The following CTNND2 variants were observed in gnomAD, a reference collection of about 807,000 sequenced individuals.
The protein encoded by CTNND2 is catenin delta-2.
A neutral mutation model predicts 144.4 loss-of-function variants in CTNND2; 22 were observed. That is an observed-to-expected ratio of 0.15 (90% CI 0.11 to 0.22). The LOEUF is 0.22. CTNND2 is among the 10% of genes least tolerant of loss of function. CTNND2 has a pLI of 1.00. For missense variants in CTNND2, 1,353 were observed against 1,618.8 expected, an observed-to-expected ratio of 0.84 and a Z score of 2.82; for synonymous variants, 751 against 695.6, an observed-to-expected ratio of 1.08 and a Z score of -1.25.
At chr5:11,243,787 A>T (rs1411551845) in intron 9 of CTNND2, among the ~76,000 whole-genome samples, 1 of 152,188 alleles carries the variant, frequency 6.6e-6, no homozygotes, top group Non-Finnish European at 1.5e-5. Context: ...GAAACCAAAA[A>T]GTTGATGCAT....
chr5:11,064,055 C>T (rs1259267027), intron 16 of CTNND2, among the ~76,000 whole-genome samples: 1 of 151,960 alleles, frequency 6.6e-6, no homozygotes, highest in East Asian at 1.9e-4. Context: ...CCAGGAGATG[C>T]CAGCAACAGG....
intron 9 of CTNND2, among the ~76,000 whole-genome samples, chr5:11,272,863 G>A (rs1275788094): frequency 1.3e-5 from 2 of 152,118 alleles, no homozygotes; most frequent in Non-Finnish European, 2.9e-5. Context: ...TAGAGTAGGG[G>A]TCAAAATCTG....
chr5:11,128,272 C>T (rs889485775), intron 12 of CTNND2, among the ~76,000 whole-genome samples: 4 of 151,970 alleles, frequency 2.6e-5, no homozygotes, highest in African/African-American at 7.2e-5. Flanking sequence ...AGTGCAGGAG[C>T]TGAGGGCAGC....
At chr5:11,879,457 C>G (rs1194385502) in intron 1 of CTNND2, among the ~76,000 whole-genome samples, 3 of 150,390 alleles carry the variant, frequency 2.0e-5, no homozygotes, top group Non-Finnish European at 4.4e-5. Flanking sequence ...TTCTTAACAT[C>G]TGGGAACAGC....
chr5:11,307,051 T>C (rs1750303811), intron 9 of CTNND2, among the ~76,000 whole-genome samples: 1 of 151,708 alleles, frequency 6.6e-6, no homozygotes. Context: ...CCCCCTGAGG[T>C]GGCCATGGGC....
chr5:11,430,266 AAAAAG>A (rs1763165798), intron 3 of CTNND2, among the ~76,000 whole-genome samples: 1 of 148,826 alleles, frequency 6.7e-6, no homozygotes, highest in Non-Finnish European at 1.5e-5. Context: ...AAAAAAAAAA[AAAAAG>A]GAGTTTTTTT....
At chr5:11,681,435 G>T (rs1179288441) in intron 2 of CTNND2, among the ~76,000 whole-genome samples, 1 of 152,194 alleles carries the variant, frequency 6.6e-6, no homozygotes, top group African/African-American at 2.4e-5. Context: ...TGACTTTTCA[G>T]GTTCCCTTTC....
At chr5:11,428,974 C>A (rs1057208892) in intron 3 of CTNND2, among the ~76,000 whole-genome samples, 48 of 152,070 alleles carry the variant, frequency 3.2e-4, no homozygotes, top group African/African-American at 1.1e-3. Flanking sequence ...AACAATGAAA[C>A]CTTAACTTAT....
intron 15 of CTNND2, among the ~76,000 whole-genome samples, chr5:11,090,706 G>A (rs1750681290): frequency 6.6e-6 from 1 of 152,192 alleles, no homozygotes; most frequent in South Asian, 2.1e-4. Flanking sequence ...TGCCAAAAAT[G>A]TTGGGGACCA....
intron 3 of CTNND2, among the ~76,000 whole-genome samples, chr5:11,523,858 C>T (rs139225546): frequency 1.1e-3 from 172 of 152,266 alleles, no homozygotes; most frequent in African/African-American, 4.0e-3. Context: ...GCCCATGTTG[C>T]TGTGAAGCGG....
chr5:11,364,504 A>C, intron 8 of CTNND2, 192 bp downstream of exon 8: 1 of 476,434 alleles, frequency 2.1e-6, no homozygotes, highest in East Asian at 3.6e-5. Flanking sequence ...TTCAGATTAT[A>C]CCAAGGTAGC....
chr5:11,444,718 T>A (rs11952843), intron 3 of CTNND2, among the ~76,000 whole-genome samples: 17 of 151,852 alleles, frequency 1.1e-4, no homozygotes, highest in African/African-American at 4.1e-4. Context: ...TAAAAATAAA[T>A]AAAAAAGATG....
At chr5:11,227,783 A>T (rs565272595) in intron 10 of CTNND2, among the ~76,000 whole-genome samples, 30 of 152,336 alleles carry the variant, frequency 2.0e-4, no homozygotes, top group African/African-American at 6.5e-4. Flanking sequence ...CCAAAATATT[A>T]TTATAAATGA....
At chr5:11,612,421 G>A (rs1780376316) in intron 2 of CTNND2, among the ~76,000 whole-genome samples, 1 of 152,040 alleles carries the variant, frequency 6.6e-6, no homozygotes, top group Non-Finnish European at 1.5e-5. Flanking sequence ...ATTACTAATG[G>A]CCTAAATAAG....
chr5:11,650,764 A>G (rs1782606189), intron 2 of CTNND2, among the ~76,000 whole-genome samples: 1 of 152,116 alleles, frequency 6.6e-6, no homozygotes, highest in South Asian at 2.1e-4. Context: ...TGAACTTGGG[A>G]GTGATGATTT....
chr5:11,095,249 G>A (rs967749667), intron 15 of CTNND2, among the ~76,000 whole-genome samples: 13 of 152,172 alleles, frequency 8.5e-5, no homozygotes, highest in Admixed American at 2.6e-4. Flanking sequence ...AGTAGGAACC[G>A]CAGAACTGGC....
chr5:11,206,651 A>G (rs1738080640), intron 10 of CTNND2, among the ~76,000 whole-genome samples: 1 of 152,190 alleles, frequency 6.6e-6, no homozygotes, highest in African/African-American at 2.4e-5. Context: ...TCAAATGTGA[A>G]TTTTTATTTC....
intron 2 of CTNND2, among the ~76,000 whole-genome samples, chr5:11,582,861 G>A (rs184639085): frequency 1.5e-4 from 23 of 152,206 alleles, no homozygotes; most frequent in Middle Eastern, 3.4e-3. Context: ...ATTAGAATGC[G>A]TCGGTGCTAG....
Position 10,981,767 on chromosome 5 carries a change from C to G in CTNND2, c.3417+6G>C. 6.2e-7 allele frequency: 1 copy of G among 1,610,762 alleles called. No individual in the cohort carries two copies. Among genetic ancestry groups the G allele is most frequent in the Non-Finnish European group, 8.5e-7 (1 of 1,177,538 alleles). On this transcript the variant is annotated splice_donor_region_variant and intron_variant, in intron 21 of 21. Transcript: ENST00000304623. ...AGGAAATACAAACGTGTTGCATTTA[C>G]TTTACCTGGTTGTGTTTGATGTCTT...
Sources: allele counts gnomAD v4.1 joint callset (sites outside exome capture counted in the v4.1 genomes callset), GRCh38; gene constraint gnomAD v4.1.1; transcripts MANE v1.5; gene names NCBI Gene and HGNC (gene_info 2026-07-23, HGNC 2026-07-21).